Variants in MALRD1 observed in about 807,000 individuals in gnomAD.
MALRD1 encodes MAM and LDL-receptor class A domain-containing protein 1.
MALRD1 carries 247 observed loss-of-function variants against 242.1 expected under a neutral mutation model. That is an observed-to-expected ratio of 1.02 (90% CI 0.92 to 1.13). MALRD1 has a LOEUF of 1.13. Among genes scored for constraint, MALRD1 ranks in the 50% most tolerant of loss-of-function variants. The pLI, the probability that MALRD1 is intolerant of heterozygous loss-of-function variation, is 0.00. For missense variants in MALRD1, 2,989 were observed against 2,533.1 expected, an observed-to-expected ratio of 1.18 and a Z score of -3.86; for synonymous variants, 995 against 866.6, an observed-to-expected ratio of 1.15 and a Z score of -2.60.
Position 19,124,635 on chromosome 10 carries a change from C to G in MALRD1, c.908C>G (p.Ser303Cys). ...GCGAGAGAGATCCCTGCATTCGAAT[C>G]CACACCTCAGCAGGATCAAGGAGGT... is the stretch of plus-strand genomic sequence containing the variant. Reference protein sequence around the residue: ...TKAREIPAFESTPQQDQGGDD... With the variant: ...TKAREIPAFECTPQQDQGGDD... The change falls in exon 7 of 40, where the codon TCC (serine) becomes TGC (cysteine). Residue 303 changes from serine to cysteine, a missense_variant. Physicochemically the swap from Ser to Cys is moderately radical, Grantham distance 112 (BLOSUM62 -1). Transcript: ENST00000454679. 8.1e-7 allele frequency: 1 copy of G among 1,233,694 alleles called. No homozygotes were observed. Among genetic ancestry groups the G allele is most frequent in the Non-Finnish European group, 1.0e-6 (1 of 988,092 alleles). 76.4% of individuals were successfully genotyped at this position (1,233,694 alleles called of 1,614,324 possible). A position where few individuals can be genotyped will look rare whatever the true frequency, so the allele number is the denominator to read the frequency against.
intron 21 of MALRD1, among the ~76,000 whole-genome samples, chr10:19,323,463 G>T (rs181378321): frequency 2.0e-5 from 3 of 152,226 alleles, no homozygotes; most frequent in East Asian, 1.9e-4. Flanking sequence ...TCATTACAAG[G>T]ACTATGGGTT....
intron 21 of MALRD1, among the ~76,000 whole-genome samples, chr10:19,311,796 A>G (rs1280022912): frequency 5.9e-5 from 9 of 151,476 alleles, no homozygotes; most frequent in Non-Finnish European, 1.2e-4. Context: ...TTTCCTTTCA[A>G]CAGTATTTAA....
At chr10:19,666,872 A>G (rs944834319) in intron 36 of MALRD1, among the ~76,000 whole-genome samples, 1 of 152,202 alleles carries the variant, frequency 6.6e-6, no homozygotes, top group African/African-American at 2.4e-5. Context: ...ATAACATTTT[A>G]GAAGATGGTG....
chr10:19,107,300 G>C (rs1297581147), intron 5 of MALRD1, among the ~76,000 whole-genome samples: 1 of 151,748 alleles, frequency 6.6e-6, no homozygotes, highest in Non-Finnish European at 1.5e-5. Flanking sequence ...TTTATATATT[G>C]GGAGGTCTAG....
chr10:19,263,580 G>A (rs1283689550), intron 19 of MALRD1, among the ~76,000 whole-genome samples: 1 of 151,792 alleles, frequency 6.6e-6, no homozygotes, highest in Non-Finnish European at 1.5e-5. Flanking sequence ...TATATGGTTT[G>A]GAAATACTTT....
At chr10:19,263,672 T>C (rs1215671245) in intron 19 of MALRD1, among the ~76,000 whole-genome samples, 2 of 152,190 alleles carry the variant, frequency 1.3e-5, no homozygotes, top group Non-Finnish European at 2.9e-5. Context: ...ATTTCTTTAA[T>C]ACCACTTATT....
chr10:19,693,537 C>T (rs1833210465), intron 38 of MALRD1, among the ~76,000 whole-genome samples: 1 of 152,112 alleles, frequency 6.6e-6, no homozygotes, highest in African/African-American at 2.4e-5. Flanking sequence ...AGGACCTCTT[C>T]AAAGAGAACT....
At chr10:19,652,121 A>G (rs907816246) in intron 36 of MALRD1, among the ~76,000 whole-genome samples, 2 of 152,206 alleles carry the variant, frequency 1.3e-5, no homozygotes, top group African/African-American at 4.8e-5. Context: ...CCAAATTCAA[A>G]GTCCAGGATG....
intron 13 of MALRD1, among the ~76,000 whole-genome samples, chr10:19,166,019 A>G (rs1358112579): frequency 6.6e-6 from 1 of 152,244 alleles, no homozygotes; most frequent in African/African-American, 2.4e-5. Context: ...ACATTAATGA[A>G]GCAAACACAT....
chr10:19,216,683 C>T lies in MALRD1; in HGVS notation c.2991+7003C>T, dbSNP rs181428873. Among the ~76,000 whole-genome samples, 683 of 150,608 alleles carry T rather than the reference C, an allele frequency of 4.5e-3. 9 individuals carry two copies. The highest frequency in any genetic ancestry group is 0.015 in the African/African-American group (631 of 41,062). ...GAGGCCAGCTGGGTGCGGTGGCTCA[C>T]GCCTGTAATCCCAGCACTTTGGGAG... On this transcript the variant is annotated intron_variant, in intron 18 of 39. Coordinates refer to ENST00000454679, the MANE Select transcript of MALRD1 (RefSeq NM_001142308.3).
At chr10:19,616,826 A>C (rs1357074436) in intron 36 of MALRD1, among the ~76,000 whole-genome samples, 1 of 152,062 alleles carries the variant, frequency 6.6e-6, no homozygotes, top group Admixed American at 6.6e-5. Context: ...ACACTGCTTT[A>C]GTTTAACATT....
rs140459686 is a variant in MALRD1, at chr10:19,563,229, A to G, written c.5479-4273A>G. 2.1e-3 allele frequency among the ~76,000 whole-genome samples: 316 copies of G among 152,308 alleles called. 2 individuals are homozygous for G. Among genetic ancestry groups the G allele is most frequent in the African/African-American group, 6.2e-3 (258 of 41,562 alleles). The stretch of plus-strand genomic sequence containing the variant: ...AGGAGACATGACAGAAAATATGGGA[A>G]TGAGCTAAATTTTCATTAATATCAG... On this transcript the variant is annotated intron_variant, in intron 32 of 39. Transcript: ENST00000454679.
intron 21 of MALRD1, among the ~76,000 whole-genome samples, chr10:19,319,799 T>C (rs1350619492): frequency 1.3e-5 from 2 of 152,038 alleles, no homozygotes; most frequent in East Asian, 3.9e-4. Flanking sequence ...CGTAATAAGA[T>C]GATCACCTTT....
In MALRD1 at chr10:19,190,335, A is replaced by G. The variant is rs77911379; in HGVS notation, c.1952-13393A>G. Among the ~76,000 whole-genome samples, 2,338 of 152,228 alleles carry G rather than the reference A, an allele frequency of 0.015. 101 individuals are homozygous for G. In the East Asian group the frequency reaches 0.18, roughly 12 times the overall value. ...GATAATGAAAAGACATTCCATGTTC[A>G]TAGATCAGAAGACGTAATATTCTTA... On this transcript the variant is annotated intron_variant, in intron 14 of 39. Transcript: ENST00000454679.
At chr10:19,111,065 T>C (rs1836661700) in intron 5 of MALRD1, among the ~76,000 whole-genome samples, 3 of 152,206 alleles carry the variant, frequency 2.0e-5, no homozygotes, top group African/African-American at 2.4e-5. Context: ...AATTTCTCTC[T>C]ATCTTTGTCT....
At chr10:19,382,379 T>A (rs1221631416) in intron 26 of MALRD1, among the ~76,000 whole-genome samples, 2 of 152,056 alleles carry the variant, frequency 1.3e-5, no homozygotes, top group Non-Finnish European at 2.9e-5. Context: ...TGTGTGCATG[T>A]GTGTCTTAGA....
chr10:19,695,993 G>T (rs1438012297), intron 38 of MALRD1, among the ~76,000 whole-genome samples: 1 of 152,168 alleles, frequency 6.6e-6, no homozygotes, highest in Non-Finnish European at 1.5e-5. Context: ...TGACACATGA[G>T]AATTATTACA....
rs1168580156 is a variant in MALRD1, at chr10:19,361,453, T to C, written c.4441+9156T>C. Reference sequence around the variant, plus strand: ...CAGCCTACGATTTCTTAGCTCATATTGTTCTGTGAAAAAGAGAATAATCTC... The same window carrying C: ...CAGCCTACGATTTCTTAGCTCATATCGTTCTGTGAAAAAGAGAATAATCTC... On this transcript the variant is annotated intron_variant, in intron 26 of 39. Coordinates refer to ENST00000454679, the MANE Select transcript of MALRD1 (RefSeq NM_001142308.3). Among the ~76,000 whole-genome samples the C allele has an allele frequency of 2.0e-5, 3 of 152,258 alleles. No homozygotes were observed. The East Asian group carries it at 5.8e-4, about 29-fold the overall frequency.
chr10:19,198,746 T>C (rs569203378), intron 14 of MALRD1, among the ~76,000 whole-genome samples: 1 of 152,312 alleles, frequency 6.6e-6, no homozygotes, highest in Non-Finnish European at 1.5e-5. Flanking sequence ...CCAAAGACAA[T>C]AATGATTTCA....
Sources: allele counts gnomAD v4.1 joint callset (sites outside exome capture counted in the v4.1 genomes callset), GRCh38; gene constraint gnomAD v4.1.1; transcripts MANE v1.5; gene names NCBI Gene and HGNC (gene_info 2026-07-23, HGNC 2026-07-21).